Variants in AHCTF1 observed in about 807,000 individuals in gnomAD.
AHCTF1 encodes the protein AT-hook containing transcription factor 1.
In AHCTF1, 24 loss-of-function variants were observed where a neutral mutation model predicts 248.4. The observed-to-expected ratio is 0.10, with a 90% CI of 0.07 to 0.14. The LOEUF (loss-of-function observed/expected upper bound fraction) is 0.14, where lower values mean the gene tolerates loss of function less well. Ranked by LOEUF, AHCTF1 falls within the 10% of genes least tolerant of loss-of-function variation. The pLI is 1.00. For synonymous variants in AHCTF1, 786 were observed against 929.8 expected (o/e 0.85, Z 2.81); for missense variants, 2,206 against 2,636.2 (o/e 0.84, Z 3.57).
rs753832156 is a variant in AHCTF1 at position 246,900,319 on chromosome 1, A to AG, written c.1250+17_1250+18insC. 1.3e-6 allele frequency: 2 copies of AG among 1,575,214 alleles called. No individual in the cohort carries two copies. Among genetic ancestry groups the AG allele is most frequent in the East Asian group, 4.5e-5 (2 of 44,432 alleles). ...ACAAATACAAAGAGAAAGGAGAGAG[A>AG]AAAAAAAAGAATCATACCTTAACGA... On this transcript the variant is annotated intron_variant, in intron 9 of 35. Transcript: ENST00000648844.
chr1:246,901,553 G>A (rs868097491), intron 8 of AHCTF1, among the ~76,000 whole-genome samples: 20 of 152,234 alleles, frequency 1.3e-4, no homozygotes, highest in African/African-American at 4.8e-4. Context: ...GAACCCCGGA[G>A]GCGGAGCTTG....
chr1:246,853,430 A>G, intron 31 of AHCTF1, 131 bp from the exon 32 acceptor site: 1 of 658,908 alleles, frequency 1.5e-6, no homozygotes, highest in Non-Finnish European at 2.5e-6. Context: ...ATGCCAGAAA[A>G]GTCTGCAACT....
chr1:246,844,006 A>G (rs939945818), intron 33 of AHCTF1, 78 bp from the exon 34 acceptor site: 10 of 1,053,116 alleles, frequency 9.5e-6, no homozygotes, highest in Non-Finnish European at 1.1e-5. Context: ...AACCTGGAAC[A>G]AATTATGTGT....
chr1:246,897,360 T>C (rs1664656093), intron 12 of AHCTF1, among the ~76,000 whole-genome samples: 1 of 152,166 alleles, frequency 6.6e-6, no homozygotes, highest in African/African-American at 2.4e-5. Flanking sequence ...AAAAGTCTAT[T>C]ATTTGCTGAT....
intron 11 of AHCTF1, 87 bp from the exon 12 acceptor site, chr1:246,898,423 G>T: frequency 7.3e-7 from 1 of 1,367,372 alleles, no homozygotes; most frequent in Non-Finnish European, 1.0e-6. Context: ...TAAAATTTAA[G>T]TAAAATTTAA....
At chr1:246,845,676 C>T (rs946211704) in intron 33 of AHCTF1, among the ~76,000 whole-genome samples, 6 of 152,050 alleles carry the variant, frequency 3.9e-5, no homozygotes, top group Non-Finnish European at 8.8e-5. Flanking sequence ...TTTCCATGTG[C>T]TTCTATTATA....
At chr1:246,842,669 T>C in intron 35 of AHCTF1, 25 bp downstream of exon 35, 1 of 1,602,142 alleles carries the variant, frequency 6.2e-7, no homozygotes, top group Non-Finnish European at 8.5e-7. Context: ...AATCAATCAA[T>C]CAAGAACAGA....
chr1:246,861,733 T>C (rs1301222319), intron 28 of AHCTF1, among the ~76,000 whole-genome samples: 9 of 152,234 alleles, frequency 5.9e-5, no homozygotes, highest in Admixed American at 5.9e-4. Flanking sequence ...CCAACTTACT[T>C]GGTGCTTCCG....
At chr1:246,899,805 T>A (rs966808853) in intron 10 of AHCTF1, among the ~76,000 whole-genome samples, 1 of 152,104 alleles carries the variant, frequency 6.6e-6, no homozygotes, top group African/African-American at 2.4e-5. Flanking sequence ...ACAGTTAATA[T>A]CTTTCCTAGC....
chr1:246,854,060 G>A (rs925179686), intron 31 of AHCTF1, among the ~76,000 whole-genome samples: 1 of 152,144 alleles, frequency 6.6e-6, no homozygotes, highest in Non-Finnish European at 1.5e-5. Context: ...AGCACTTTGG[G>A]AGGCCAAGGC....
intron 24 of AHCTF1, among the ~76,000 whole-genome samples, chr1:246,871,931 T>C (rs748571347): frequency 3.3e-5 from 5 of 151,634 alleles, no homozygotes; most frequent in African/African-American, 7.3e-5. Context: ...ACTTTACAAA[T>C]GACCCTGATC....
intron 35 of AHCTF1, among the ~76,000 whole-genome samples, chr1:246,842,387 G>A (rs1199379139): frequency 6.6e-6 from 1 of 151,972 alleles, no homozygotes; most frequent in Non-Finnish European, 1.5e-5. Context: ...TTTGAGACCA[G>A]CCTGGCCAAC....
At chr1:246,878,396 C>CCAAAAAA (rs1491155933) in intron 21 of AHCTF1, among the ~76,000 whole-genome samples, 3 of 30,776 alleles carry the variant, frequency 9.7e-5, no homozygotes, top group African/African-American at 3.7e-4. Context: ...GATTCTGTCT[C>CCAAAAAA]AAAAAAAAAA....
At chr1:246,894,603 C>T in intron 14 of AHCTF1, 56 bp downstream of exon 14, 1 of 1,359,252 alleles carries the variant, frequency 7.4e-7, no homozygotes, top group Non-Finnish European at 1.0e-6. Flanking sequence ...AGACATAAAC[C>T]AAGGTTAGTA....
intron 24 of AHCTF1, among the ~76,000 whole-genome samples, chr1:246,872,698 G>A (rs74152755): frequency 0.015 from 2,287 of 152,228 alleles, 64 homozygotes; most frequent in African/African-American, 0.052. Context: ...CCTTCCCATC[G>A]CACTATCATG....
chr1:246,854,166 G>A lies in AHCTF1; in HGVS notation c.4355-867C>T, dbSNP rs1660928873. Among the ~76,000 whole-genome samples the A allele has an allele frequency of 3.9e-5, 6 of 152,054 alleles. No individual in the cohort carries two copies. In the South Asian group the frequency reaches 1.2e-3, roughly 32 times the overall value. ...TACAAAAAATTAGCCAGGCGTGGTG[G>A]CGGGCACCTGTAGTCCCAGCTACTC... On this transcript the variant is annotated intron_variant, in intron 31 of 35. Coordinates refer to ENST00000648844, the MANE Select transcript of AHCTF1 (RefSeq NM_001323342.2).
chr1:246,859,649 A>T (rs1661378953), intron 29 of AHCTF1, among the ~76,000 whole-genome samples: 1 of 152,108 alleles, frequency 6.6e-6, no homozygotes, highest in South Asian at 2.1e-4. Flanking sequence ...GGCTCACTGC[A>T]TCCCCAACCT....
chr1:246,883,380 T>A (rs1385943575), intron 21 of AHCTF1, among the ~76,000 whole-genome samples: 1 of 152,190 alleles, frequency 6.6e-6, no homozygotes, highest in Non-Finnish European at 1.5e-5. Context: ...GGTGATTATG[T>A]ATGACCGCAG....
At chr1:246,846,772 G>A (rs1363775444) in intron 33 of AHCTF1, among the ~76,000 whole-genome samples, 1 of 151,792 alleles carries the variant, frequency 6.6e-6, no homozygotes, top group Non-Finnish European at 1.5e-5. Flanking sequence ...GGGGTGGGGA[G>A]GTGACAGGAT....
Sources: allele counts gnomAD v4.1 joint callset (sites outside exome capture counted in the v4.1 genomes callset), GRCh38; gene constraint gnomAD v4.1.1; transcripts MANE v1.5; gene names NCBI Gene and HGNC (gene_info 2026-07-23, HGNC 2026-07-21).